DENND1A: variants seen among roughly 807,000 people sequenced by gnomAD.
The protein encoded by DENND1A is DENN domain containing 1A.
DENND1A carries 51 observed loss-of-function variants against 113.7 expected under a neutral mutation model. The observed-to-expected ratio is 0.45, with a 90% CI of 0.36 to 0.57. The LOEUF is 0.57. Among genes scored for constraint, DENND1A ranks in the 20% least tolerant of loss-of-function variants. The probability of loss-of-function intolerance (pLI) is 0.00; values close to 1 mark genes in which losing one functional copy is unlikely to be tolerated. For synonymous variants in DENND1A, 565 were observed against 570.8 expected (o/e 0.99, Z 0.14); for missense variants, 1,258 against 1,395.9 (o/e 0.90, Z 1.57).
At chr9:123,527,299 C>T (rs2054922235) in intron 13 of DENND1A, among the ~76,000 whole-genome samples, 1 of 152,218 alleles carries the variant, frequency 6.6e-6, no homozygotes, top group Non-Finnish European at 1.5e-5. Context: ...TTTCACACTA[C>T]TACCATAGCC....
chr9:123,928,489 C>T, intron 1 of DENND1A: 1 of 911,160 alleles, frequency 1.1e-6, no homozygotes. Context: ...TTTTTACCTC[C>T]CAAGCCTCTC....
chr9:123,614,173 A>C (rs1235369310), intron 10 of DENND1A, among the ~76,000 whole-genome samples: 1 of 152,236 alleles, frequency 6.6e-6, no homozygotes, highest in Non-Finnish European at 1.5e-5. Flanking sequence ...ATTTGCCAAG[A>C]TCGCACAGCT....
intron 21 of DENND1A, among the ~76,000 whole-genome samples, chr9:123,395,933 GGA>G (rs1219713102): frequency 1.3e-5 from 2 of 152,040 alleles, no homozygotes; most frequent in African/African-American, 4.8e-5. Flanking sequence ...TCCAGGAGTT[GGA>G]GAGTCAAAGC....
chr9:123,576,819 A>T (rs2058663845), intron 12 of DENND1A, among the ~76,000 whole-genome samples: 1 of 152,200 alleles, frequency 6.6e-6, no homozygotes, highest in South Asian at 2.1e-4. Flanking sequence ...ATTACTTTAA[A>T]AATGTCATTC....
At chr9:123,492,342 G>C in intron 13 of DENND1A, among the ~76,000 whole-genome samples, 1 of 152,212 alleles carries the variant, frequency 6.6e-6, no homozygotes, top group Non-Finnish European at 1.5e-5. Context: ...GAGAGGGAGG[G>C]AAGCGTGTGC....
intron 11 of DENND1A, among the ~76,000 whole-genome samples, chr9:123,588,826 G>T (rs533149581): frequency 6.7e-6 from 1 of 150,320 alleles, no homozygotes; most frequent in Non-Finnish European, 1.5e-5. Context: ...GGAGTGCAGT[G>T]GCATGATCTT....
chr9:123,723,587 C>T (rs1040907887), intron 5 of DENND1A, among the ~76,000 whole-genome samples: 5 of 152,056 alleles, frequency 3.3e-5, no homozygotes, highest in South Asian at 2.1e-4. Context: ...ATGCTGTTCT[C>T]GTGACAATGA....
chr9:123,922,843 T>C (rs1256119119), intron 1 of DENND1A, among the ~76,000 whole-genome samples: 1 of 152,236 alleles, frequency 6.6e-6, no homozygotes, highest in Non-Finnish European at 1.5e-5. Flanking sequence ...ACTTTTGGAA[T>C]GTCACCTCTC....
chr9:123,383,977 C>A, intron 22 of DENND1A, 64 bp from the exon 23 acceptor site: 1 of 1,559,628 alleles, frequency 6.4e-7, no homozygotes, highest in South Asian at 1.2e-5. Flanking sequence ...CAAGCGGACT[C>A]CAGCCCAAGC....
intron 2 of DENND1A, among the ~76,000 whole-genome samples, chr9:123,825,315 T>TAA (rs568358623): frequency 1.4e-4 from 20 of 141,790 alleles, no homozygotes; most frequent in African/African-American, 4.6e-4. Flanking sequence ...GCTCTTCTTT[T>TAA]AAAAAAAAAA....
chr9:123,839,483 T>C (rs1323892835), intron 2 of DENND1A, among the ~76,000 whole-genome samples: 1 of 152,192 alleles, frequency 6.6e-6, no homozygotes, highest in Non-Finnish European at 1.5e-5. Context: ...ATAAAATACA[T>C]GATGTTAGAT....
chr9:123,747,994 A>T (rs948229287), intron 5 of DENND1A, among the ~76,000 whole-genome samples: 1 of 151,908 alleles, frequency 6.6e-6, no homozygotes, highest in Admixed American at 6.6e-5. Context: ...TGTTTCTTTT[A>T]AAAAAATACC....
intron 5 of DENND1A, among the ~76,000 whole-genome samples, chr9:123,724,617 G>T (rs1321378308): frequency 1.3e-5 from 2 of 152,060 alleles, no homozygotes; most frequent in African/African-American, 4.8e-5. Context: ...GCATGGACTT[G>T]AGGTCTGAGC....
intron 5 of DENND1A, among the ~76,000 whole-genome samples, chr9:123,710,342 A>G (rs1371706556): frequency 6.6e-6 from 1 of 152,206 alleles, no homozygotes; most frequent in Non-Finnish European, 1.5e-5. Flanking sequence ...ATGTAATAAG[A>G]GTTTTGAAGG....
chr9:123,538,342 T>C (rs1268526080), intron 13 of DENND1A, among the ~76,000 whole-genome samples: 2 of 152,234 alleles, frequency 1.3e-5, no homozygotes, highest in Admixed American at 6.5e-5. Context: ...ATATGTTTCC[T>C]AGCTCTGTTC....
chr9:123,756,623 A>G (rs1032469573), intron 5 of DENND1A, among the ~76,000 whole-genome samples: 9 of 152,190 alleles, frequency 5.9e-5, no homozygotes, highest in Admixed American at 3.9e-4. Context: ...CACTAATGAT[A>G]CTAAGATTTG....
At position 123,574,023 on chromosome 9, in the gene DENND1A, T is replaced by C. The variant is rs73578195; in HGVS notation, c.867+9146A>G. On this transcript the variant is annotated intron_variant, in intron 12 of 23. Coordinates refer to ENST00000394215, the MANE Select transcript of DENND1A (RefSeq NM_001352964.2). Reference sequence around the variant, plus strand: ...GTTATTATTTTCCTTTTCAGTTTACTGATATAATAGATTACATGGTTTTTC... The same window carrying C: ...GTTATTATTTTCCTTTTCAGTTTACCGATATAATAGATTACATGGTTTTTC... Among the ~76,000 whole-genome samples the C allele has an allele frequency of 4.9e-3, 738 of 152,132 alleles. 5 individuals are homozygous for C. The highest frequency in any genetic ancestry group is 0.017 in the African/African-American group (700 of 41,574).
intron 2 of DENND1A, among the ~76,000 whole-genome samples, chr9:123,877,566 G>A (rs1847684746): frequency 1.3e-5 from 2 of 152,036 alleles, no homozygotes; most frequent in Non-Finnish European, 2.9e-5. Context: ...GCTCATACCT[G>A]TAATCCCAGC....
intron 9 of DENND1A, among the ~76,000 whole-genome samples, chr9:123,638,872 A>C (rs2061858233): frequency 6.6e-6 from 1 of 151,932 alleles, no homozygotes; most frequent in Non-Finnish European, 1.5e-5. Flanking sequence ...TATAAATCAT[A>C]ATTTATGTTT....
Sources: allele counts gnomAD v4.1 joint callset (sites outside exome capture counted in the v4.1 genomes callset), GRCh38; gene constraint gnomAD v4.1.1; transcripts MANE v1.5; gene names NCBI Gene and HGNC (gene_info 2026-07-23, HGNC 2026-07-21).